PDCD6IP: variants seen among roughly 807,000 people sequenced by gnomAD.
PDCD6IP encodes programmed cell death 6 interacting protein, also known as programmed cell death 6-interacting protein.
Under a neutral mutation model 103.7 loss-of-function variants are expected in PDCD6IP, and 43 were observed. That is an observed-to-expected ratio of 0.41 (90% CI 0.32 to 0.53). The LOEUF (loss-of-function observed/expected upper bound fraction) is 0.53. Among genes scored for constraint, PDCD6IP ranks in the 20% least tolerant of loss-of-function variants. The pLI, the probability that PDCD6IP is intolerant of heterozygous loss-of-function variation, is 0.16. For missense variants in PDCD6IP, 871 were observed against 1,036.7 expected, an observed-to-expected ratio of 0.84 and a Z score of 2.20; for synonymous variants, 354 against 378.7, an observed-to-expected ratio of 0.93 and a Z score of 0.76.
Position 33,812,233 on chromosome 3 carries a change from G to A in PDCD6IP, c.264+107G>A, listed in dbSNP as rs973852584. 5 of 1,417,946 alleles carry A rather than the reference G, an allele frequency of 3.5e-6. No individual in the cohort carries two copies. In the African/African-American group the frequency reaches 4.4e-5, roughly 12 times the overall value. 87.8% of individuals were successfully genotyped at this position (1,417,946 alleles called of 1,614,324 possible). A position where few individuals can be genotyped will look rare whatever the true frequency, so the allele number is the denominator to read the frequency against. ...TTATGAGATAGTGTTATAAAAATAGGAGCTTTTAGATCTGTCTAATGCGAA... is the reference window on the plus strand; with the variant it reads ...TTATGAGATAGTGTTATAAAAATAGAAGCTTTTAGATCTGTCTAATGCGAA... On this transcript the variant is annotated intron_variant, in intron 2 of 17. Transcript: ENST00000307296.
At chr3:33,865,545 C>A in intron 17 of PDCD6IP, 115 bp downstream of exon 17, 1 of 732,734 alleles carries the variant, frequency 1.4e-6, no homozygotes, top group Non-Finnish European at 2.2e-6. Flanking sequence ...AATGAATAAG[C>A]TACACTGTCA....
At chr3:33,847,812 T>G (rs1697626403) in intron 12 of PDCD6IP, among the ~76,000 whole-genome samples, 1 of 152,202 alleles carries the variant, frequency 6.6e-6, no homozygotes. Flanking sequence ...TTGCCTATGA[T>G]GTACTGTGGC....
At chr3:33,828,637 C>T (rs1043496132) in intron 6 of PDCD6IP, 2 of 344,162 alleles carry the variant, frequency 5.8e-6, no homozygotes, top group Non-Finnish European at 1.0e-5. Context: ...AAAAAAACCC[C>T]TTCAATTGGA....
At chr3:33,817,960 C>T (rs1696892463) in intron 3 of PDCD6IP, among the ~76,000 whole-genome samples, 1 of 151,842 alleles carries the variant, frequency 6.6e-6, no homozygotes, top group African/African-American at 2.4e-5. Flanking sequence ...AGCTCTTATA[C>T]ATGACAAATT....
At chr3:33,837,691 C>T (rs565799610) in intron 8 of PDCD6IP, among the ~76,000 whole-genome samples, 20 of 151,676 alleles carry the variant, frequency 1.3e-4, no homozygotes, top group African/African-American at 4.1e-4. Flanking sequence ...TGGGTTCAGA[C>T]GATTCTCCTG....
At chr3:33,833,984 T>A (rs1270195618) in intron 7 of PDCD6IP, among the ~76,000 whole-genome samples, 1 of 152,220 alleles carries the variant, frequency 6.6e-6, no homozygotes, top group African/African-American at 2.4e-5. Flanking sequence ...CTTCCCTGAA[T>A]TCCTCACAGC....
intron 9 of PDCD6IP, among the ~76,000 whole-genome samples, chr3:33,841,399 GA>G (rs1382981833): frequency 2.4e-5 from 3 of 125,724 alleles, no homozygotes; most frequent in Admixed American, 2.3e-4. Flanking sequence ...ATCAATCACT[GA>G]TTTTTTTTGT....
Position 33,822,100 on chromosome 3 carries a change from TACTACAATAATGGTC to T in PDCD6IP, c.462+20_462+34del. 1 of 1,612,372 alleles carries T rather than the reference TACTACAATAATGGTC, an allele frequency of 6.2e-7. No homozygotes were observed. Among genetic ancestry groups the T allele is most frequent in the Non-Finnish European group, 8.5e-7 (1 of 1,178,784 alleles). ...ATTACCAGGTATGCTGAAAAGTAGT[TACTACAATAATGGTC>T]AACACTAAATTGGATTAAGTGGAAA... On this transcript the variant is annotated intron_variant, in intron 4 of 17. Transcript: ENST00000307296.
intron 2 of PDCD6IP, among the ~76,000 whole-genome samples, chr3:33,812,554 G>A (rs1433615377): frequency 1.3e-5 from 2 of 152,208 alleles, no homozygotes; most frequent in Non-Finnish European, 1.5e-5. Flanking sequence ...TTAATTACAT[G>A]AATGTCAACT....
intron 1 of PDCD6IP, chr3:33,810,922 T>C (rs74604485): frequency 0.054 from 8,269 of 152,018 alleles, 758 homozygotes; most frequent in African/African-American, 0.19. Context: ...TTGAGACAGG[T>C]TCTTGCCCAG....
chr3:33,859,636 A>G (rs1697907767), intron 15 of PDCD6IP, among the ~76,000 whole-genome samples: 1 of 152,186 alleles, frequency 6.6e-6, no homozygotes, highest in Admixed American at 6.5e-5. Context: ...GTCTGAAGTA[A>G]TATTTTTCAG....
At chr3:33,814,753 A>T (rs984708023) in intron 3 of PDCD6IP, among the ~76,000 whole-genome samples, 62 of 145,766 alleles carry the variant, frequency 4.3e-4, no homozygotes, top group Non-Finnish European at 7.9e-4. Flanking sequence ...ATGTATATAT[A>T]CTTACATATA....
At chr3:33,800,616 T>C (rs2125538827) in intron 1 of PDCD6IP, among the ~76,000 whole-genome samples, 1 of 152,112 alleles carries the variant, frequency 6.6e-6, no homozygotes, top group South Asian at 2.1e-4. Context: ...AGCATAAGCA[T>C]TTTTTTTAAA....
chr3:33,819,505 A>G (rs1194486814), intron 3 of PDCD6IP, among the ~76,000 whole-genome samples: 1 of 152,174 alleles, frequency 6.6e-6, no homozygotes, highest in African/African-American at 2.4e-5. Context: ...ATGTTTAATA[A>G]AGTAGGTTAG....
In PDCD6IP at chr3:33,853,650, T is replaced by C. The variant is rs1393933204; in HGVS notation, c.1891-229T>C. Among the ~76,000 whole-genome samples the C allele has an allele frequency of 2.6e-5, 4 of 152,126 alleles. No homozygotes were observed. The East Asian group carries it at 7.7e-4, about 29-fold the overall frequency. On this transcript the variant is annotated intron_variant, in intron 13 of 17. Transcript: ENST00000307296. Reference sequence around the variant, plus strand: ...TACAAGTGTTATATACTAATAGAAATCTGTGATCATTATTGGTTGTTTTGA... The same window carrying C: ...TACAAGTGTTATATACTAATAGAAACCTGTGATCATTATTGGTTGTTTTGA...
At chr3:33,842,633 A>T (rs1387767890) in intron 10 of PDCD6IP, among the ~76,000 whole-genome samples, 2 of 151,946 alleles carry the variant, frequency 1.3e-5, no homozygotes, top group Non-Finnish European at 2.9e-5. Context: ...CTGTTTTTTA[A>T]AACTTTAAAA....
At chr3:33,799,045 G>C (rs1439505380) in intron 1 of PDCD6IP, 108 bp downstream of exon 1, 2 of 1,089,500 alleles carry the variant, frequency 1.8e-6, no homozygotes, top group Non-Finnish European at 2.6e-6. Context: ...GAGCCGCCCC[G>C]TCCCGGCCTG....
At chr3:33,852,338 T>G in intron 12 of PDCD6IP, 150 bp from the exon 13 acceptor site, 34 of 1,323,102 alleles carry the variant, frequency 2.6e-5, no homozygotes, top group Non-Finnish European at 3.4e-5. Context: ...AGTGTCTATC[T>G]ATATAAACCT....
chr3:33,802,971 T>C (rs1696510323), intron 1 of PDCD6IP, among the ~76,000 whole-genome samples: 1 of 152,228 alleles, frequency 6.6e-6, no homozygotes, highest in Admixed American at 6.5e-5. Context: ...ATGATTTGGC[T>C]TCTGCTTTGG....
Sources: gnomAD v4.1 joint callset for allele counts (sites outside exome capture counted in the v4.1 genomes callset) on GRCh38, gnomAD v4.1.1 for gene constraint, MANE v1.5 for transcripts, NCBI Gene and HGNC (gene_info 2026-07-23, HGNC 2026-07-21) for gene names.